Variants in NELL1 observed in about 807,000 individuals in gnomAD.
NELL1 encodes protein kinase C-binding protein NELL1.
In NELL1, 76 loss-of-function variants were observed where a neutral mutation model predicts 107.4. That is an observed-to-expected ratio of 0.71 (90% CI 0.59 to 0.86). The LOEUF (loss-of-function observed/expected upper bound fraction) is 0.86. NELL1 is among the 40% of genes least tolerant of loss of function. The pLI is 0.00. For missense variants in NELL1, 1,024 were observed against 1,005.5 expected, an observed-to-expected ratio of 1.02 and a Z score of -0.25; for synonymous variants, 353 against 341.2, an observed-to-expected ratio of 1.03 and a Z score of -0.38.
At chr11:21,224,831 T>G (rs1439352721) in intron 13 of NELL1, among the ~76,000 whole-genome samples, 8 of 152,230 alleles carry the variant, frequency 5.3e-5, no homozygotes, top group African/African-American at 1.9e-4. Flanking sequence ...TATCTATCTC[T>G]TTGTTGAATT....
chr11:21,341,725 A>G (rs1301531302), intron 14 of NELL1, among the ~76,000 whole-genome samples: 1 of 152,220 alleles, frequency 6.6e-6, no homozygotes, highest in Non-Finnish European at 1.5e-5. Context: ...CCAAGTCTTA[A>G]AACTCACTTT....
chr11:20,932,546 G>A (rs1590431481), intron 9 of NELL1, among the ~76,000 whole-genome samples: 2 of 152,188 alleles, frequency 1.3e-5, no homozygotes, highest in South Asian at 2.1e-4. Flanking sequence ...AGTTCTGGGG[G>A]CAACAGTGGA....
At chr11:21,474,098 C>G (rs1018995602) in intron 15 of NELL1, among the ~76,000 whole-genome samples, 3 of 152,060 alleles carry the variant, frequency 2.0e-5, no homozygotes, top group Admixed American at 6.6e-5. Context: ...CTATGAGATT[C>G]TGCATAATCT....
chr11:21,432,255 C>T (rs1244197484), intron 15 of NELL1, among the ~76,000 whole-genome samples: 2 of 151,736 alleles, frequency 1.3e-5, no homozygotes, highest in African/African-American at 4.8e-5. Flanking sequence ...GTTTTAATGA[C>T]AGTGAAGACA....
At chr11:20,855,896 A>T (rs1848874161) in intron 4 of NELL1, among the ~76,000 whole-genome samples, 1 of 152,244 alleles carries the variant, frequency 6.6e-6, no homozygotes, top group Non-Finnish European at 1.5e-5. Flanking sequence ...AAACAAAACA[A>T]AGAATTCCAA....
chr11:20,722,017 CTCTTTT>C (rs1855402122), intron 2 of NELL1, among the ~76,000 whole-genome samples: 3 of 138,508 alleles, frequency 2.2e-5, no homozygotes, highest in Admixed American at 7.3e-5. Flanking sequence ...TTCTGAGTCT[CTCTTTT>C]TTTTTTTTTT....
At chr11:20,956,100 T>G (rs2134208719) in intron 11 of NELL1, among the ~76,000 whole-genome samples, 1 of 152,240 alleles carries the variant, frequency 6.6e-6, no homozygotes, top group Non-Finnish European at 1.5e-5. Context: ...ACGCCTGTAG[T>G]CCCAGCTACT....
chr11:20,910,167 A>G (rs567709175), intron 5 of NELL1, among the ~76,000 whole-genome samples: 2 of 152,142 alleles, frequency 1.3e-5, no homozygotes, highest in African/African-American at 4.8e-5. Context: ...CGACTGGACC[A>G]TGTGTCTTTC....
At chr11:20,855,891 A>G (rs6483731) in intron 4 of NELL1, among the ~76,000 whole-genome samples, 1 of 152,230 alleles carries the variant, frequency 6.6e-6, no homozygotes, top group Non-Finnish European at 1.5e-5. Flanking sequence ...AACAAAAACA[A>G]AACAAAGAAT....
At chr11:20,977,463 A>G (rs1409207654) in intron 12 of NELL1, among the ~76,000 whole-genome samples, 1 of 151,880 alleles carries the variant, frequency 6.6e-6, no homozygotes, top group Admixed American at 6.6e-5. Context: ...ACAGGGTTTC[A>G]CCATGTTAGC....
At chr11:20,678,104 G>A (rs1272584594) in intron 2 of NELL1, 44 bp downstream of exon 2, 3 of 1,611,532 alleles carry the variant, frequency 1.9e-6, no homozygotes, top group South Asian at 1.1e-5. Flanking sequence ...GGTTGGGGAG[G>A]AGGGTCTGTC....
intron 15 of NELL1, among the ~76,000 whole-genome samples, chr11:21,398,403 TG>T (rs755981586): frequency 1.3e-5 from 2 of 151,748 alleles, no homozygotes; most frequent in Non-Finnish European, 2.9e-5. Flanking sequence ...GCTCTTCTGT[TG>T]GGTGATTCAT....
chr11:21,224,525 G>A (rs965763288), intron 13 of NELL1, among the ~76,000 whole-genome samples: 1 of 151,894 alleles, frequency 6.6e-6, no homozygotes, highest in Non-Finnish European at 1.5e-5. Context: ...CCAGCCTATG[G>A]CTATTTTTTA....
chr11:20,846,197 A>C (rs935024858), intron 3 of NELL1, among the ~76,000 whole-genome samples: 2 of 152,202 alleles, frequency 1.3e-5, no homozygotes, highest in African/African-American at 2.4e-5. Context: ...GTACTGGTGC[A>C]AATGAGGTGG....
chr11:20,876,549 G>A (rs1457135662), intron 4 of NELL1, among the ~76,000 whole-genome samples: 1 of 152,130 alleles, frequency 6.6e-6, no homozygotes, highest in Non-Finnish European at 1.5e-5. Context: ...TGGATCTCGA[G>A]GTCAGGAGAT....
intron 12 of NELL1, among the ~76,000 whole-genome samples, chr11:20,968,047 G>C (rs186683989): frequency 2.0e-5 from 3 of 152,122 alleles, no homozygotes; most frequent in Non-Finnish European, 4.4e-5. Flanking sequence ...TCCAGGCCTT[G>C]TTCAATATGT....
At chr11:21,418,966 A>G (rs1852589175) in intron 15 of NELL1, among the ~76,000 whole-genome samples, 1 of 152,118 alleles carries the variant, frequency 6.6e-6, no homozygotes, top group African/African-American at 2.4e-5. Context: ...CTACAGCATG[A>G]CTAGCCTAAA....
At chr11:21,430,761 C>T (rs1185959094) in intron 15 of NELL1, among the ~76,000 whole-genome samples, 1 of 152,114 alleles carries the variant, frequency 6.6e-6, no homozygotes, top group East Asian at 1.9e-4. Flanking sequence ...TAGCATAATG[C>T]AACAGGAATG....
At chr11:21,549,454 T>G (rs77690719) in intron 16 of NELL1, among the ~76,000 whole-genome samples, 1 of 151,784 alleles carries the variant, frequency 6.6e-6, no homozygotes, top group South Asian at 2.1e-4. Flanking sequence ...AGATACATGA[T>G]TCTGTTGTTT....
Sources: allele counts gnomAD v4.1 joint callset (sites outside exome capture counted in the v4.1 genomes callset), GRCh38; gene constraint gnomAD v4.1.1; transcripts MANE v1.5; gene names NCBI Gene and HGNC (gene_info 2026-07-23, HGNC 2026-07-21).